The following ZNF445 variants were observed in gnomAD, a reference collection of about 807,000 sequenced individuals.
The protein encoded by ZNF445 is zinc finger protein 445, also known as zinc finger protein 168.
ZNF445 carries 19 observed loss-of-function variants against 93.9 expected under a neutral mutation model. The ratio of observed to expected loss-of-function variants is 0.20; its 90% CI spans 0.14 to 0.30. ZNF445 has a LOEUF of 0.30. Among genes scored for constraint, ZNF445 ranks in the 10% least tolerant of loss-of-function variants. ZNF445 has a pLI of 1.00. For synonymous variants in ZNF445, 449 were observed against 446.3 expected (o/e 1.01, Z -0.08); for missense variants, 1,058 against 1,259.4 (o/e 0.84, Z 2.42).
intron 1 of ZNF445, among the ~76,000 whole-genome samples, chr3:44,466,206 C>A (rs1698192755): frequency 2.6e-5 from 4 of 152,010 alleles, no homozygotes; most frequent in Non-Finnish European, 5.9e-5. Flanking sequence ...TTGGAGTTAT[C>A]ATTTTGGCCA....
At chr3:44,452,932 T>C (rs78056947) in intron 3 of ZNF445, among the ~76,000 whole-genome samples, 12 of 151,266 alleles carry the variant, frequency 7.9e-5, no homozygotes, top group Non-Finnish European at 1.8e-4. Flanking sequence ...TTTTTTTTTT[T>C]CGGACATAGT....
At chr3:44,463,013 G>C (rs1162368551) in intron 1 of ZNF445, among the ~76,000 whole-genome samples, 14 of 4,564 alleles carry the variant, frequency 3.1e-3, no homozygotes, top group Non-Finnish European at 6.0e-3. Flanking sequence ...TTTTTTCTTT[G>C]TGTGTGTGTG....
rs1382174046 is a variant in ZNF445, at chr3:44,443,669, TGGTGTGA to T, written c.*2899_*2905del. The T allele has an allele frequency of 2.0e-5, 3 of 151,268 alleles. No homozygotes were observed. The highest frequency in any genetic ancestry group is 4.4e-5 in the Non-Finnish European group (3 of 67,888). The allele number at this position is 151,268 out of a possible 1,614,324, so 9.4% of individuals were successfully genotyped here. On this transcript the variant is annotated 3_prime_UTR_variant, in exon 8 of 8. Coordinates refer to ENST00000396077, the MANE Select transcript of ZNF445 (RefSeq NM_181489.6). The stretch of plus-strand genomic sequence containing the variant: ...TACTGAGGAGGCTGAGGCAGGAGAA[TGGTGTGA>T]GCCCAGGAGGCAGAGCTTGCAGTGA...
intron 1 of ZNF445, among the ~76,000 whole-genome samples, chr3:44,465,065 TAAAAAAAAAA>T (rs34412481): frequency 9.4e-4 from 107 of 113,354 alleles, no homozygotes; most frequent in African/African-American, 3.4e-3. Flanking sequence ...AGACTCCGCC[TAAAAAAAAAA>T]AAAAAAAAAA....
In ZNF445 at chr3:44,440,613, G is replaced by C. The variant is rs765140091; in HGVS notation, c.*5962C>G. 4.6e-5 allele frequency: 7 copies of C among 152,116 alleles called. No homozygotes were observed. The highest frequency in any genetic ancestry group is 7.4e-5 in the Non-Finnish European group (5 of 68,026). The allele number at this position is 152,116 out of a possible 1,614,324, so 9.4% of individuals were successfully genotyped here. On this transcript the variant is annotated 3_prime_UTR_variant, in exon 8 of 8. Transcript: ENST00000396077. ...TGTATTGCTCCTGTTACCAGAAAGC[G>C]GTCGTGATCCAGTCCCCAAGAGAGA... is the stretch of plus-strand genomic sequence containing the variant.
chr3:44,473,569 T>C (rs1208551089), intron 1 of ZNF445, among the ~76,000 whole-genome samples: 1 of 151,714 alleles, frequency 6.6e-6, no homozygotes, highest in Admixed American at 6.6e-5. Context: ...AAACTAATAA[T>C]GGGAGTGCCC....
chr3:44,474,014 C>T (rs1029756248), intron 1 of ZNF445, among the ~76,000 whole-genome samples: 1 of 152,150 alleles, frequency 6.6e-6, no homozygotes, highest in African/African-American at 2.4e-5. Flanking sequence ...AGTCAAATCC[C>T]AACACCACAG....
intron 6 of ZNF445, 38 bp downstream of exon 6, chr3:44,450,409 T>C: frequency 1.2e-6 from 2 of 1,613,572 alleles, no homozygotes; most frequent in Non-Finnish European, 1.7e-6. Flanking sequence ...AAGGCAGAAA[T>C]AAAGATGGAT....
At position 44,446,521 on chromosome 3, in the gene ZNF445, G is replaced by A; in HGVS notation, c.*54C>T. 3 of 1,605,376 alleles carry A rather than the reference G, an allele frequency of 1.9e-6. No individual in the cohort carries two copies. The highest frequency in any genetic ancestry group is 2.2e-5 in the South Asian group (2 of 89,998). On this transcript the variant is annotated 3_prime_UTR_variant, in exon 8 of 8. Transcript: ENST00000396077. This position sits in a 1 kb window ranked among gnomAD's most constrained non-coding sequence, Gnocchi z 4.2. ...TACTCCACAATGCCTATAATTAAGGGTTCTCTAGCAGGGGACTGAGAACCC... is the reference window on the plus strand; with the variant it reads ...TACTCCACAATGCCTATAATTAAGGATTCTCTAGCAGGGGACTGAGAACCC...
rs750270344 is a variant in ZNF445, at chr3:44,446,394, G to A, written c.*181C>T. On this transcript the variant is annotated 3_prime_UTR_variant, in exon 8 of 8. Coordinates refer to ENST00000396077, the MANE Select transcript of ZNF445 (RefSeq NM_181489.6). This position sits in a 1 kb window ranked among gnomAD's most constrained non-coding sequence, Gnocchi z 4.2. Reference sequence around the variant, plus strand: ...GGACATGGTGCTGCACTTCCCCAGCGTCACATCCTAGCAGGCAGGCTGGGG... The same window carrying A: ...GGACATGGTGCTGCACTTCCCCAGCATCACATCCTAGCAGGCAGGCTGGGG... 9 of 829,186 alleles carry A rather than the reference G, an allele frequency of 1.1e-5. No individual in the cohort carries two copies. The highest frequency in any genetic ancestry group is 1.8e-5 in the South Asian group (1 of 55,558). 51.4% of individuals were successfully genotyped at this position (829,186 alleles called of 1,614,324 possible).
intron 1 of ZNF445, among the ~76,000 whole-genome samples, chr3:44,475,721 G>A (rs547073407): frequency 3.9e-5 from 6 of 152,220 alleles, no homozygotes; most frequent in African/African-American, 1.4e-4. Context: ...AACAAGAGGC[G>A]GGCACGGTGG....
chr3:44,456,763 G>T (rs978414994), intron 2 of ZNF445, among the ~76,000 whole-genome samples: 1 of 152,166 alleles, frequency 6.6e-6, no homozygotes, highest in African/African-American at 2.4e-5. Context: ...CCAACAATGG[G>T]TTACAAATTA....
Position 44,446,816 on chromosome 3 carries a change from A to C in ZNF445, c.2855T>G (p.Leu952Arg). 1 of 1,614,114 alleles carries C rather than the reference A, an allele frequency of 6.2e-7. No homozygotes were observed. Among genetic ancestry groups the C allele is most frequent in the South Asian group, 1.1e-5 (1 of 91,088 alleles). ...QKLKPSEEMP[L>R]EDCKEACSQS... ...GCTGCAAGCTTCTTTGCAGTCTTCG[A>C]GGGGCATCTCTTCACTTGGTTTTAG... Residue 952 changes from leucine to arginine, a missense_variant, in exon 8 of 8, where the codon CTC (leucine) becomes CGC (arginine). By Grantham distance (102) the Leu-to-Arg change is moderately radical. Coordinates refer to ENST00000396077, the MANE Select transcript of ZNF445 (RefSeq NM_181489.6). The surrounding 1 kb of genome is among the most constrained non-coding windows in gnomAD (Gnocchi z 4.2).
chr3:44,433,324 AACTCCC>A lies in ZNF445; in HGVS notation c.*13245_*13250del, dbSNP rs1432618589. 6.6e-6 allele frequency: 1 copy of A among 152,120 alleles called. No homozygotes were observed. The highest frequency in any genetic ancestry group is 1.5e-5 in the Non-Finnish European group (1 of 68,070). 9.4% of individuals were successfully genotyped at this position (152,120 alleles called of 1,614,324 possible). ...AGACAGGGAGTTCAGACTGGTCTCG[AACTCCC>A]GTTCTCAGGTGATCTGCCCACCTCA... On this transcript the variant is annotated 3_prime_UTR_variant, in exon 8 of 8. Transcript: ENST00000396077.
intron 2 of ZNF445, among the ~76,000 whole-genome samples, chr3:44,456,261 C>T (rs1314310284): frequency 6.6e-6 from 1 of 151,764 alleles, no homozygotes; most frequent in Non-Finnish European, 1.5e-5. Flanking sequence ...ACTAAAAGTA[C>T]AAAAAATGAG....
chr3:44,449,490 C>T (rs933466733), intron 7 of ZNF445, 23 bp downstream of exon 7: 1 of 1,581,310 alleles, frequency 6.3e-7, no homozygotes, highest in Non-Finnish European at 8.7e-7. Context: ...GGAGCAGGAC[C>T]TGGCAGGTTC....
intron 1 of ZNF445, among the ~76,000 whole-genome samples, chr3:44,475,000 A>C (rs924458129): frequency 5.9e-5 from 9 of 152,138 alleles, no homozygotes; most frequent in African/African-American, 1.9e-4. Flanking sequence ...CAGGAGGCTA[A>C]GGAGGGATAA....
intron 6 of ZNF445, 108 bp from the exon 7 acceptor site, chr3:44,449,731 G>T (rs1697931794): frequency 1.2e-6 from 1 of 851,986 alleles, no homozygotes; most frequent in East Asian, 2.6e-5. Context: ...AGACCAGGAA[G>T]GCAGGCAGCA....
rs757123572 is a variant in ZNF445, at chr3:44,447,712, G to A, written c.1959C>T (p.Tyr653=). The A allele has an allele frequency of 1.9e-6, 3 of 1,614,114 alleles. No homozygotes were observed. The highest frequency in any genetic ancestry group is 1.3e-5 in the African/African-American group (1 of 75,030). The change falls in exon 8 of 8, where the codon TAC becomes TAT. Residue 653 remains tyrosine (Y), a synonymous_variant. Coordinates refer to ENST00000396077, the MANE Select transcript of ZNF445 (RefSeq NM_181489.6). The surrounding 1 kb of genome is among the most constrained non-coding windows in gnomAD (Gnocchi z 4.7). ...HMRLHEEEKF[Y]KQDECREGFR... ...AGCCTTCACGACATTCATCTTGTTTGTAGAATTTTTCCTCCTCATGCAACC... is the reference window on the plus strand; with the variant it reads ...AGCCTTCACGACATTCATCTTGTTTATAGAATTTTTCCTCCTCATGCAACC...
Sources: gnomAD v4.1 joint callset for allele counts (sites outside exome capture counted in the v4.1 genomes callset) on GRCh38, gnomAD v4.1.1 for gene constraint, Gnocchi (gnomAD v3.1) non-coding constraint, MANE v1.5 for transcripts, NCBI Gene and HGNC (gene_info 2026-07-23, HGNC 2026-07-21) for gene names.